The following C12orf56 variants were observed in gnomAD, a reference collection of about 807,000 sequenced individuals.
C12orf56 encodes the protein chromosome 12 open reading frame 56.
In C12orf56, 71 loss-of-function variants were observed where a neutral mutation model predicts 69.9. That is an observed-to-expected ratio of 1.02 (90% CI 0.84 to 1.24). The LOEUF is 1.24. C12orf56 is among the 50% of genes most tolerant of loss of function. C12orf56 has a pLI of 0.00. For missense variants in C12orf56, 732 were observed against 738.5 expected (o/e 0.99, Z 0.10); for synonymous variants, 276 against 274.1 (o/e 1.01, Z -0.07).
chr12:64,354,947 G>A (rs1486144699), intron 1 of C12orf56, among the ~76,000 whole-genome samples: 1 of 151,372 alleles, frequency 6.6e-6, no homozygotes, highest in Non-Finnish European at 1.5e-5. Context: ...GTGTGGTGGT[G>A]CATGCCTGTA....
chr12:64,342,230 C>A (rs1218901791), intron 2 of C12orf56, among the ~76,000 whole-genome samples: 5 of 152,246 alleles, frequency 3.3e-5, no homozygotes, highest in African/African-American at 9.6e-5. Context: ...TTGGCTACAG[C>A]CCATGAATCA....
intron 6 of C12orf56, among the ~76,000 whole-genome samples, chr12:64,293,583 C>T (rs553993350): frequency 7.7e-4 from 118 of 152,286 alleles, no homozygotes; most frequent in South Asian, 1.7e-3. Flanking sequence ...TATAAAGCTT[C>T]AACAGTGCTT....
chr12:64,377,195 T>G (rs1317757655), intron 1 of C12orf56, among the ~76,000 whole-genome samples: 1 of 110,930 alleles, frequency 9.0e-6, no homozygotes, highest in African/African-American at 3.5e-5. Flanking sequence ...TTTGCCCACT[T>G]TTTTTTTTTT....
intron 8 of C12orf56, among the ~76,000 whole-genome samples, chr12:64,280,159 T>C (rs1206892721): frequency 6.6e-6 from 1 of 152,184 alleles, no homozygotes; most frequent in African/African-American, 2.4e-5. Flanking sequence ...CTTTTTTATT[T>C]ACCCAAATGG....
In C12orf56 at chr12:64,267,274, ATGT is replaced by A; in HGVS notation, c.1775_1777del (p.His592_Met593delinsLeu). ...TGGGAGCCTTTTCTGCAAGGCTGGC[ATGT>A]GAATAAAGTACCTGCAAATCATAAA... On this transcript the variant is annotated inframe_deletion, in exon 13 of 13. Transcript: ENST00000543942. The A allele has an allele frequency of 6.2e-7, 1 of 1,609,726 alleles. No individual in the cohort carries two copies. Among genetic ancestry groups the A allele is most frequent in the South Asian group, 1.1e-5 (1 of 89,746 alleles).
intron 6 of C12orf56, among the ~76,000 whole-genome samples, chr12:64,298,728 C>T (rs574838995): frequency 9.5e-4 from 145 of 152,222 alleles, no homozygotes; most frequent in African/African-American, 3.3e-3. Context: ...CTGTTCTGTT[C>T]CATTGGTCTA....
At chr12:64,344,826 C>G (rs2039119250) in intron 2 of C12orf56, among the ~76,000 whole-genome samples, 1 of 151,878 alleles carries the variant, frequency 6.6e-6, no homozygotes, top group African/African-American at 2.4e-5. Context: ...CCTTTGGATG[C>G]CTTCCCCTAC....
intron 3 of C12orf56, among the ~76,000 whole-genome samples, chr12:64,321,588 C>A (rs2136844121): frequency 6.6e-6 from 1 of 152,274 alleles, no homozygotes; most frequent in East Asian, 1.9e-4. Flanking sequence ...CCTGTCTCCG[C>A]CTCCCAAAGT....
chr12:64,297,318 T>C (rs2038379582), intron 6 of C12orf56, among the ~76,000 whole-genome samples: 1 of 152,150 alleles, frequency 6.6e-6, no homozygotes, highest in Non-Finnish European at 1.5e-5. Flanking sequence ...GATAGCATGG[T>C]TGGGGATAGG....
chr12:64,296,432 A>G (rs1189967846), intron 6 of C12orf56, among the ~76,000 whole-genome samples: 1 of 152,148 alleles, frequency 6.6e-6, no homozygotes. Context: ...GGGAATGTCT[A>G]TCCTCCACAC....
At chr12:64,370,697 A>C (rs7316582) in intron 1 of C12orf56, among the ~76,000 whole-genome samples, 7,109 of 152,234 alleles carry the variant, frequency 0.047, 541 homozygotes, top group African/African-American at 0.16. Flanking sequence ...AAAATTGAAA[A>C]CAGAAGAAAA....
intron 5 of C12orf56, among the ~76,000 whole-genome samples, chr12:64,304,188 T>G (rs1398401237): frequency 5.3e-5 from 8 of 152,222 alleles, no homozygotes; most frequent in Non-Finnish European, 1.0e-4. Context: ...TTGGTGTAAA[T>G]GGCATGAAAG....
chr12:64,353,009 G>A lies in C12orf56; in HGVS notation c.300C>T (p.Ser100=). 1 of 1,610,598 alleles carries A rather than the reference G, an allele frequency of 6.2e-7. No homozygotes were observed. The highest frequency in any genetic ancestry group is 8.5e-7 in the Non-Finnish European group (1 of 1,179,092). ...AAGAATAGATGATACGAATGTGTTG[G>A]CTGATTTCTCTATCTGGCGAACTCA... The part of the protein sequence containing the change: ...EFLSSPDREI[S]QHIRIIYSST... The change falls in exon 2 of 13, where the codon AGC becomes AGT. Residue 100 remains serine, a synonymous_variant. Coordinates refer to ENST00000543942, the MANE Select transcript of C12orf56 (RefSeq NM_001170633.2).
chr12:64,325,372 AAAG>A (rs537880682), intron 3 of C12orf56, among the ~76,000 whole-genome samples: 3 of 141,394 alleles, frequency 2.1e-5, no homozygotes, highest in Admixed American at 7.2e-5. Context: ...AAAAAAAAAA[AAAG>A]AAGAAGAAGA....
At chr12:64,311,163 G>A (rs756244195) in intron 5 of C12orf56, among the ~76,000 whole-genome samples, 9 of 152,152 alleles carry the variant, frequency 5.9e-5, no homozygotes, top group South Asian at 2.1e-4. Flanking sequence ...ATTGCCAGGC[G>A]TGGTGGCTCA....
chr12:64,293,616 A>G (rs1027322159), intron 6 of C12orf56, among the ~76,000 whole-genome samples: 5 of 152,244 alleles, frequency 3.3e-5, no homozygotes, highest in African/African-American at 1.2e-4. Context: ...ATAGCACATA[A>G]CAAGTGTCTA....
chr12:64,319,525 A>G (rs1414524384), intron 3 of C12orf56, among the ~76,000 whole-genome samples: 2 of 152,132 alleles, frequency 1.3e-5, no homozygotes, highest in Non-Finnish European at 1.5e-5. Flanking sequence ...CCTCCTGAGT[A>G]GCTGGGACTA....
intron 1 of C12orf56, among the ~76,000 whole-genome samples, chr12:64,361,783 A>G (rs2039402926): frequency 6.6e-6 from 1 of 151,396 alleles, no homozygotes; most frequent in African/African-American, 2.4e-5. Flanking sequence ...CCCAGGCTGG[A>G]GTGCAATGGC....
chr12:64,276,004 C>CG (rs146570029), intron 9 of C12orf56, among the ~76,000 whole-genome samples: 52 of 151,054 alleles, frequency 3.4e-4, no homozygotes, highest in Admixed American at 6.6e-4. Context: ...AATACACACC[C>CG]CCCCCCGCGA....
Sources: allele counts gnomAD v4.1 joint callset (sites outside exome capture counted in the v4.1 genomes callset), GRCh38; gene constraint gnomAD v4.1.1; transcripts MANE v1.5; gene names NCBI Gene and HGNC (gene_info 2026-07-23, HGNC 2026-07-21).